The following MASP2 variants were observed in gnomAD, a reference collection of about 807,000 sequenced individuals.
The protein encoded by MASP2 is MBL associated serine protease 2, also known as mannan-binding lectin serine protease 2.
Under a neutral mutation model 57.1 loss-of-function variants are expected in MASP2, and 49 were observed. The observed-to-expected ratio is 0.86, with a 90% CI of 0.68 to 1.09. The LOEUF (loss-of-function observed/expected upper bound fraction) is 1.09. Among genes scored for constraint, MASP2 ranks in the 50% least tolerant of loss-of-function variants. The pLI is 0.00. For missense variants in MASP2, 900 were observed against 874.8 expected, an observed-to-expected ratio of 1.03 and a Z score of -0.36; for synonymous variants, 379 against 340.8, an observed-to-expected ratio of 1.11 and a Z score of -1.24.
chr1:11,045,350 T>C, intron 4 of MASP2, 58 bp downstream of exon 4: 1 of 1,609,260 alleles, frequency 6.2e-7, no homozygotes. Flanking sequence ...GCAATGGCCC[T>C]GAGGAGCCCC....
chr1:11,031,386 A>C (rs1031218157), intron 8 of MASP2, among the ~76,000 whole-genome samples: 1 of 151,566 alleles, frequency 6.6e-6, no homozygotes, highest in Non-Finnish European at 1.5e-5. Flanking sequence ...AAAATTAGCC[A>C]GGCGTGGTAG....
At chr1:11,035,911 A>G (rs1191573232) in intron 7 of MASP2, among the ~76,000 whole-genome samples, 1 of 151,420 alleles carries the variant, frequency 6.6e-6, no homozygotes, top group African/African-American at 2.4e-5. Flanking sequence ...AAAAAAAAAA[A>G]AAAAAGCCAG....
intron 6 of MASP2, 132 bp downstream of exon 6, chr1:11,042,743 C>T: frequency 1.9e-6 from 2 of 1,041,782 alleles, no homozygotes; most frequent in Non-Finnish European, 2.8e-6. Context: ...CCTCAGACCT[C>T]AGACACCACT....
At chr1:11,038,748 G>T (rs1263051519) in intron 6 of MASP2, among the ~76,000 whole-genome samples, 1 of 152,204 alleles carries the variant, frequency 6.6e-6, no homozygotes, top group East Asian at 1.9e-4. Context: ...TGGTGGACCT[G>T]TGGAGGCCCA....
intron 6 of MASP2, among the ~76,000 whole-genome samples, chr1:11,040,688 C>T (rs1329463829): frequency 6.8e-6 from 1 of 146,274 alleles, no homozygotes; most frequent in African/African-American, 2.5e-5. Context: ...GATAGATGGA[C>T]AGCTGGAAAG....
chr1:11,044,769 C>CCA, intron 4 of MASP2: 2 of 1,344,072 alleles, frequency 1.5e-6, no homozygotes, highest in Non-Finnish European at 2.0e-6. Context: ...CCTCCCGACC[C>CCA]TCCCACCCCA....
rs1425985999 is a variant in MASP2, at chr1:11,027,238, C to G, written c.1708G>C (p.Ala570Pro). Residue 570 changes from alanine to proline, a missense_variant, in exon 11 of 11, where the codon GCA becomes CCA. Physicochemically the swap from Ala to Pro is conservative, Grantham distance 27. Coordinates refer to ENST00000400897, the MANE Select transcript of MASP2 (RefSeq NM_006610.4). ...SFMRTDDIGT[A>P]SGWGLTQRGF... The stretch of plus-strand genomic sequence containing the variant: ...CTTTGGGTTAATCCCCATCCAGATG[C>G]AGTTCCAATGTCATCTGTCCTCATA... The G allele has an allele frequency of 6.2e-7, 1 of 1,614,192 alleles. No individual in the cohort carries two copies. Among genetic ancestry groups the G allele is most frequent in the Non-Finnish European group, 8.5e-7 (1 of 1,180,022 alleles).
Position 11,033,965 on chromosome 1 carries a change from A to ACACTCTCT in MASP2, c.1087+862_1087+863insAGAGAGTG, listed in dbSNP as rs1445746544. Among the ~76,000 whole-genome samples the ACACTCTCT allele has an allele frequency of 7.1e-4, 11 of 15,472 alleles. No homozygotes were observed. The South Asian group carries it at 9.0e-3, about 13-fold the overall frequency. 10.2% of individuals were successfully genotyped at this position (15,472 alleles called of 152,430 possible). A position where few individuals can be genotyped will look rare whatever the true frequency, so the allele number is the denominator to read the frequency against. On this transcript the variant is annotated intron_variant, in intron 8 of 10. Coordinates refer to ENST00000400897, the MANE Select transcript of MASP2 (RefSeq NM_006610.4). ...CACACACACACACACACACACACAC[A>ACACTCTCT]CTCTCTCTCTCTCTCTCTCTCACAC...
chr1:11,030,599 A>T, intron 9 of MASP2, 149 bp downstream of exon 9: 1 of 841,932 alleles, frequency 1.2e-6, no homozygotes, highest in Non-Finnish European at 1.8e-6. Flanking sequence ...AAGTCACTTT[A>T]GCTATAATAT....
At chr1:11,027,724 G>T in intron 10 of MASP2, 76 bp from the exon 11 acceptor site, 1 of 1,475,954 alleles carries the variant, frequency 6.8e-7, no homozygotes, top group Non-Finnish European at 9.1e-7. Flanking sequence ...TGACCGCCTT[G>T]AAGTATATAT....
In MASP2 at chr1:11,030,166, T is replaced by C; in HGVS notation, c.1297+10A>G. The C allele has an allele frequency of 1.2e-6, 2 of 1,600,784 alleles. No individual in the cohort carries two copies. The highest frequency in any genetic ancestry group is 1.7e-6 in the Non-Finnish European group (2 of 1,168,578). ...CAATTACCAGTCTCTTGTATAAATG[T>C]ATCCATTACCAGGCTCACAGACTGG... On this transcript the variant is annotated intron_variant, in intron 10 of 10. Transcript: ENST00000400897.
In MASP2 at chr1:11,037,881, T is replaced by C; in HGVS notation, c.890-70A>G. On this transcript the variant is annotated intron_variant, in intron 6 of 10. Transcript: ENST00000400897. ...GCAGCCAAGACTGAATCGAGCCATC[T>C]GAAGTTCTTAGTTTATAAAGAATAC... 7.1e-6 allele frequency: 6 copies of C among 841,656 alleles called. 2 individuals carry two copies. In the Admixed American group the frequency reaches 1.3e-4, roughly 18 times the overall value. The allele number at this position is 841,656 out of a possible 1,614,324, so 52.1% of individuals were successfully genotyped here.
rs777236805 is a variant in MASP2 at position 11,041,373 on chromosome 1, C to CAGAT, written c.889+1498_889+1501dup. 8.6e-3 allele frequency among the ~76,000 whole-genome samples: 732 copies of CAGAT among 84,826 alleles called. 8 individuals carry two copies. The highest frequency in any genetic ancestry group is 0.029 in the Middle Eastern group (2 of 70). The allele number at this position is 84,826 out of a possible 152,430, so 55.6% of individuals were successfully genotyped here. On this transcript the variant is annotated intron_variant, in intron 6 of 10. Coordinates refer to ENST00000400897, the MANE Select transcript of MASP2 (RefSeq NM_006610.4). The stretch of plus-strand genomic sequence containing the variant: ...ATAGATAGGTGTCTGGAAGAATTGG[C>CAGAT]AGATGGATGGATGGATGGATGGATG...
Position 11,027,261 on chromosome 1 carries a change from A to C in MASP2, c.1685T>G (p.Met562Arg). 2 of 1,614,146 alleles carry C rather than the reference A, an allele frequency of 1.2e-6. No homozygotes were observed. Among genetic ancestry groups the C allele is most frequent in the Non-Finnish European group, 1.7e-6 (2 of 1,180,026 alleles). The change falls in exon 11 of 11, where the codon ATG (methionine) becomes AGG (arginine). Residue 562 changes from methionine to arginine, a missense_variant. By Grantham distance (91) the Met-to-Arg change is moderately conservative. Transcript: ENST00000400897. Reference sequence around the variant, plus strand: ...TGCAGTTCCAATGTCATCTGTCCTCATAAAGGATTCAGCTTCTTTTCTTGG... The same window carrying C: ...TGCAGTTCCAATGTCATCTGTCCTCCTAAAGGATTCAGCTTCTTTTCTTGG... The part of the protein sequence containing the change: ...CLPRKEAESF[M>R]RTDDIGTASG...
chr1:11,046,124 T>C, intron 3 of MASP2: 1 of 282,998 alleles, frequency 3.5e-6, no homozygotes, highest in Non-Finnish European at 6.9e-6. Context: ...GCAATTCTCC[T>C]GCCTCAGCCT....
At chr1:11,033,335 A>G (rs144204813) in intron 8 of MASP2, among the ~76,000 whole-genome samples, 2,631 of 150,002 alleles carry the variant, frequency 0.018, 23 homozygotes, top group Non-Finnish European at 0.028. Flanking sequence ...TCTCCAAAAA[A>G]AAAAAGAAAA....
intron 6 of MASP2, among the ~76,000 whole-genome samples, chr1:11,040,479 A>C (rs1399028798): frequency 1.3e-5 from 2 of 150,858 alleles, no homozygotes; most frequent in South Asian, 2.1e-4. Flanking sequence ...AAAAAAAAAA[A>C]AAAAACGGAT....
Position 11,027,463 on chromosome 1 carries a change from G to A in MASP2, c.1483C>T (p.Leu495=). ...VYEQKHDASA[L]DIRMGTLKRL... ...TTCAGGGTGCCCATTCGAATGTCCA[G>A]GGCGGATGCATCATGTTTTTGCTCA... The change falls in exon 11 of 11, where the codon CTG becomes TTG. Residue 495 remains leucine (L), a synonymous_variant. Transcript: ENST00000400897. The A allele has an allele frequency of 1.9e-6, 3 of 1,614,158 alleles. No homozygotes were observed. Among genetic ancestry groups the A allele is most frequent in the Non-Finnish European group, 2.5e-6 (3 of 1,180,026 alleles).
In MASP2 at chr1:11,026,660, A is replaced by T; in HGVS notation, c.*225T>A. 1 of 374,394 alleles carries T rather than the reference A, an allele frequency of 2.7e-6. No homozygotes were observed. The highest frequency in any genetic ancestry group is 4.7e-6 in the Non-Finnish European group (1 of 211,224). The allele number at this position is 374,394 out of a possible 1,614,324, so 23.2% of individuals were successfully genotyped here. The stretch of plus-strand genomic sequence containing the variant: ...GTGACATTACACTGGGTGGGCAAAG[A>T]TGACTGTCACTCTCGTGGTTTATGT... On this transcript the variant is annotated 3_prime_UTR_variant, in exon 11 of 11. Coordinates refer to ENST00000400897, the MANE Select transcript of MASP2 (RefSeq NM_006610.4).
Sources: gnomAD v4.1 joint callset for allele counts (sites outside exome capture counted in the v4.1 genomes callset) on GRCh38, gnomAD v4.1.1 for gene constraint, MANE v1.5 for transcripts, NCBI Gene and HGNC (gene_info 2026-07-23, HGNC 2026-07-21) for gene names.